MOB3B: variants seen among roughly 807,000 people sequenced by gnomAD.
The protein encoded by MOB3B is MOB kinase activator 3B.
MOB3B carries 7 observed loss-of-function variants against 18.7 expected under a neutral mutation model. That is an observed-to-expected ratio of 0.37 (90% CI 0.21 to 0.70). The LOEUF (loss-of-function observed/expected upper bound fraction) is 0.70, where lower values mean the gene tolerates loss of function less well. Ranked by LOEUF, MOB3B falls within the 30% of genes least tolerant of loss-of-function variation. The pLI, the probability that MOB3B is intolerant of heterozygous loss-of-function variation, is 0.52. For missense variants in MOB3B, 253 were observed against 281.3 expected (o/e 0.90, Z 0.72); for synonymous variants, 111 against 99.9 (o/e 1.11, Z -0.66).
chr9:27,332,337 TACA>T (rs1458064078), intron 3 of MOB3B, among the ~76,000 whole-genome samples: 1 of 152,132 alleles, frequency 6.6e-6, no homozygotes, highest in East Asian at 1.9e-4. Context: ...AAGATGGGAA[TACA>T]ACAAGAGCAT....
At chr9:27,425,761 G>C (rs1008772801) in intron 2 of MOB3B, among the ~76,000 whole-genome samples, 1 of 152,112 alleles carries the variant, frequency 6.6e-6, no homozygotes. Flanking sequence ...AAGGCATGAG[G>C]CTCTTTTGTC....
intron 1 of MOB3B, among the ~76,000 whole-genome samples, chr9:27,527,201 G>C (rs142397879): frequency 6.4e-4 from 97 of 152,236 alleles, no homozygotes; most frequent in African/African-American, 2.2e-3. Flanking sequence ...GACAAGAAAT[G>C]CTCTTTTATT....
At chr9:27,481,528 T>G (rs1474847000) in intron 1 of MOB3B, among the ~76,000 whole-genome samples, 12 of 129,254 alleles carry the variant, frequency 9.3e-5, no homozygotes, top group Admixed American at 3.1e-4. Flanking sequence ...TTGTTTTTTT[T>G]TTTTTTTGAG....
At chr9:27,466,731 T>C (rs1037389588) in intron 1 of MOB3B, among the ~76,000 whole-genome samples, 8 of 152,158 alleles carry the variant, frequency 5.3e-5, no homozygotes, top group Admixed American at 3.3e-4. Flanking sequence ...AAACCCCTGA[T>C]AAACCCATCA....
At chr9:27,474,308 A>G (rs1819520252) in intron 1 of MOB3B, among the ~76,000 whole-genome samples, 1 of 152,184 alleles carries the variant, frequency 6.6e-6, no homozygotes, top group African/African-American at 2.4e-5. Context: ...TAAGGAAATA[A>G]ATGTATACCT....
At chr9:27,477,763 A>T (rs1210205338) in intron 1 of MOB3B, among the ~76,000 whole-genome samples, 3 of 152,238 alleles carry the variant, frequency 2.0e-5, no homozygotes, top group Non-Finnish European at 4.4e-5. Context: ...ATCCAAAGCT[A>T]AACCAATAAG....
intron 1 of MOB3B, among the ~76,000 whole-genome samples, chr9:27,471,861 G>A (rs568383294): frequency 1.3e-5 from 2 of 152,142 alleles, no homozygotes; most frequent in Non-Finnish European, 2.9e-5. Context: ...CACTCTTAGT[G>A]GGTTATACCT....
intron 2 of MOB3B, among the ~76,000 whole-genome samples, chr9:27,407,932 C>G (rs564540343): frequency 1.3e-5 from 2 of 151,416 alleles, no homozygotes; most frequent in South Asian, 4.1e-4. Context: ...CATCACACCT[C>G]AGATACTGGG....
At chr9:27,392,474 G>T (rs574472061) in intron 2 of MOB3B, among the ~76,000 whole-genome samples, 1 of 152,018 alleles carries the variant, frequency 6.6e-6, no homozygotes, top group Admixed American at 6.6e-5. Flanking sequence ...ACATAAAGTC[G>T]CCTACGTTTA....
At chr9:27,513,816 G>C (rs954925637) in intron 1 of MOB3B, among the ~76,000 whole-genome samples, 1 of 152,146 alleles carries the variant, frequency 6.6e-6, no homozygotes, top group African/African-American at 2.4e-5. Flanking sequence ...AGGACATGAA[G>C]TTTCCCTATT....
intron 3 of MOB3B, among the ~76,000 whole-genome samples, chr9:27,353,799 CG>C (rs1438050830): frequency 8.5e-5 from 13 of 152,202 alleles, no homozygotes; most frequent in Non-Finnish European, 2.9e-5. Flanking sequence ...CAAAACACTG[CG>C]GGCTATTCGT....
chr9:27,507,270 C>T (rs1461783703), intron 1 of MOB3B, among the ~76,000 whole-genome samples: 1 of 152,192 alleles, frequency 6.6e-6, no homozygotes, highest in Non-Finnish European at 1.5e-5. Context: ...ATCTTCTATT[C>T]ATACTTCACT....
intron 3 of MOB3B, among the ~76,000 whole-genome samples, chr9:27,333,393 C>T (rs1820816928): frequency 6.6e-6 from 1 of 152,044 alleles, no homozygotes; most frequent in Non-Finnish European, 1.5e-5. Context: ...AATGGCAATG[C>T]TAGGTTCCAT....
At position 27,330,131 on chromosome 9, in the gene MOB3B, C is replaced by T. The variant is rs180734589; in HGVS notation, c.*456G>A. On this transcript the variant is annotated 3_prime_UTR_variant, in exon 4 of 4. Transcript: ENST00000262244. ...AGGCTTATTGCATAAAAACTTGCTG[C>T]ACATCCAGAGGTCCAAAATTCACCC... 2 of 161,140 alleles carry T rather than the reference C, an allele frequency of 1.2e-5. No homozygotes were observed. Among genetic ancestry groups the T allele is most frequent in the South Asian group, 1.9e-4 (1 of 5,398 alleles). The allele number at this position is 161,140 out of a possible 1,614,324, so 10.0% of individuals were successfully genotyped here.
chr9:27,416,850 T>C (rs769874076), intron 2 of MOB3B, among the ~76,000 whole-genome samples: 18 of 152,244 alleles, frequency 1.2e-4, no homozygotes, highest in Non-Finnish European at 2.1e-4. Flanking sequence ...TTTCCTTTGC[T>C]TTTCTTCGTA....
intron 1 of MOB3B, among the ~76,000 whole-genome samples, chr9:27,471,952 T>C (rs1156394151): frequency 2.0e-5 from 3 of 152,166 alleles, no homozygotes; most frequent in Non-Finnish European, 2.9e-5. Context: ...CCAGAAAGAA[T>C]CATCCCGAGT....
At chr9:27,396,402 C>G (rs868221305) in intron 2 of MOB3B, among the ~76,000 whole-genome samples, 2 of 152,186 alleles carry the variant, frequency 1.3e-5, no homozygotes, top group South Asian at 4.1e-4. Context: ...CCACTCCTAT[C>G]CACCCCAATT....
At chr9:27,392,740 A>G (rs1046794875) in intron 2 of MOB3B, among the ~76,000 whole-genome samples, 51 of 152,342 alleles carry the variant, frequency 3.3e-4, no homozygotes, top group African/African-American at 1.2e-3. Flanking sequence ...AAAAAAGTCA[A>G]TTCTAAGCTC....
intron 2 of MOB3B, among the ~76,000 whole-genome samples, chr9:27,412,441 A>G (rs1339764738): frequency 6.6e-6 from 1 of 152,168 alleles, no homozygotes; most frequent in Admixed American, 6.5e-5. Flanking sequence ...CATTCATGCA[A>G]TATACTCTTT....
Sources: gnomAD v4.1 joint callset for allele counts (sites outside exome capture counted in the v4.1 genomes callset) on GRCh38, gnomAD v4.1.1 for gene constraint, MANE v1.5 for transcripts, NCBI Gene and HGNC (gene_info 2026-07-23, HGNC 2026-07-21) for gene names.